PROC: variants seen among roughly 807,000 people sequenced by gnomAD.
PROC encodes vitamin K-dependent protein C.
In PROC, 22 loss-of-function variants were observed where a neutral mutation model predicts 36.3. The ratio of observed to expected loss-of-function variants is 0.61; its 90% CI spans 0.43 to 0.86. PROC has a LOEUF of 0.86. Ranked by LOEUF, PROC falls within the 40% of genes least tolerant of loss-of-function variation. The pLI is 0.00. For synonymous variants in PROC, 218 were observed against 244.5 expected, an observed-to-expected ratio of 0.89 and a Z score of 1.01; for missense variants, 526 against 629.7, an observed-to-expected ratio of 0.84 and a Z score of 1.76.
chr2:127,424,329 A>G (rs1369539561), intron 6 of PROC, among the ~76,000 whole-genome samples: 4 of 152,090 alleles, frequency 2.6e-5, no homozygotes, highest in Admixed American at 6.5e-5. Context: ...CCTCCCGAGT[A>G]GCTGGGATTA....
At chr2:127,421,880 GGGAGAAAATC>G (rs1558712399) in intron 3 of PROC, among the ~76,000 whole-genome samples, 1 of 152,196 alleles carries the variant, frequency 6.6e-6, no homozygotes, top group East Asian at 1.9e-4. Flanking sequence ...TCACATCAAA[GGGAGAAAATC>G]TGATTGTTCA....
intron 3 of PROC, 81 bp from the exon 4 acceptor site, chr2:127,422,836 C>A: frequency 6.6e-7 from 1 of 1,520,168 alleles, no homozygotes; most frequent in South Asian, 1.2e-5. Context: ...CCTGCCCGCT[C>A]ACCCGCTGCC....
At chr2:127,419,031 C>T (rs1208805527) in intron 1 of PROC, among the ~76,000 whole-genome samples, 2 of 152,144 alleles carry the variant, frequency 1.3e-5, no homozygotes, top group Non-Finnish European at 2.9e-5. Context: ...GCGAGTAATG[C>T]ATGGATGTAA....
rs1247088917 is a variant in PROC, at chr2:127,421,466, T to C, written c.237+17T>C. 1.2e-6 allele frequency: 2 copies of C among 1,613,440 alleles called. No individual in the cohort carries two copies. The highest frequency in any genetic ancestry group is 1.3e-5 in the African/African-American group (1 of 74,898). The stretch of plus-strand genomic sequence containing the variant: ...GATGACACAGTAAGGCCACCATGGG[T>C]CCAGAGGATGAGGCTCAGGGGCGAG... On this transcript the variant is annotated intron_variant, in intron 3 of 8. Coordinates refer to ENST00000234071, the MANE Select transcript of PROC (RefSeq NM_000312.4).
Position 127,423,352 on chromosome 2 carries a change from G to C in PROC, c.479G>C (p.Cys160Ser), listed in dbSNP as rs1450037999. 6.5e-7 allele frequency: 1 copy of C among 1,550,234 alleles called. No individual in the cohort carries two copies. The highest frequency in any genetic ancestry group is 8.7e-7 in the Non-Finnish European group (1 of 1,147,148). The change falls in exon 6 of 9, where the codon TGT becomes TCT. Residue 160 changes from cysteine to serine, a missense_variant. Coordinates refer to ENST00000234071, the MANE Select transcript of PROC (RefSeq NM_000312.4). The part of the protein sequence containing the change: ...YCLEEVGWRR[C>S]SCAPGYKLGD... Reference sequence around the variant, plus strand: ...CTAGAGGAGGTGGGCTGGCGGCGCTGTAGCTGTGCGCCTGGCTACAAGCTG... The same window carrying C: ...CTAGAGGAGGTGGGCTGGCGGCGCTCTAGCTGTGCGCCTGGCTACAAGCTG...
Position 127,421,307 on chromosome 2 carries a change from G to T in PROC, c.95G>T (p.Arg32Leu). 6.2e-7 allele frequency: 1 copy of T among 1,613,784 alleles called. No individual in the cohort carries two copies. Among genetic ancestry groups the T allele is most frequent in the Non-Finnish European group, 8.5e-7 (1 of 1,179,880 alleles). The change falls in exon 3 of 9, where the codon CGT (arginine) becomes CTT (leucine). Residue 32 changes from arginine to leucine, a missense_variant. Transcript: ENST00000234071. ...PLDSVFSSSE[R>L]AHQVLRIRKR... ...GACTCAGTGTTCTCCAGCAGCGAGC[G>T]TGCCCACCAGGTGCTGCGGATCCGC...
At position 127,426,337 on chromosome 2, in the gene PROC, C is replaced by A. The variant is rs1244334846; in HGVS notation, c.678+110C>A. The A allele has an allele frequency of 3.5e-6, 5 of 1,429,150 alleles. No homozygotes were observed. Among genetic ancestry groups the A allele is most frequent in the Non-Finnish European group, 4.8e-6 (5 of 1,040,966 alleles). 88.5% of individuals were successfully genotyped at this position (1,429,150 alleles called of 1,614,324 possible). ...AACCGAGAGGGAAGCGCTGCCATTG[C>A]GTTTGGGGGATGATGAAGGTGGGGG... On this transcript the variant is annotated intron_variant, in intron 7 of 8. Transcript: ENST00000234071. This position sits in a 1 kb window ranked among gnomAD's most constrained non-coding sequence, Gnocchi z 7.0.
At chr2:127,422,219 T>C (rs1416913909) in intron 3 of PROC, among the ~76,000 whole-genome samples, 1 of 152,116 alleles carries the variant, frequency 6.6e-6, no homozygotes. Flanking sequence ...CATCTGGACC[T>C]CCATCCCCAC....
In PROC at chr2:127,421,266, C is replaced by A. The variant is rs138057813; in HGVS notation, c.71-17C>A. The A allele has an allele frequency of 6.2e-7, 1 of 1,613,368 alleles. No homozygotes were observed. The highest frequency in any genetic ancestry group is 8.5e-7 in the Non-Finnish European group (1 of 1,179,824). ...GGCCCCTCCACCAAGGTGAGCTCCC[C>A]CTCCCTCCAAAACCAGACTCAGTGT... On this transcript the variant is annotated splice_polypyrimidine_tract_variant and intron_variant, in intron 2 of 8. Transcript: ENST00000234071.
intron 6 of PROC, among the ~76,000 whole-genome samples, chr2:127,424,931 G>A (rs1341660731): frequency 6.6e-6 from 1 of 152,170 alleles, no homozygotes; most frequent in African/African-American, 2.4e-5. Flanking sequence ...CTCAGAGCAG[G>A]GTGGGGCAGG....
Position 127,428,386 on chromosome 2 carries a change from T to G in PROC, c.826T>G (p.Trp276Gly), listed in dbSNP as rs1688664707. ...GEYDLRRWEK[W>G]ELDLDIKEVF... ...GTATGACCTGCGGCGCTGGGAGAAG[T>G]GGGAGCTGGACCTGGACATCAAGGA... is the stretch of plus-strand genomic sequence containing the variant. Residue 276 changes from tryptophan (W) to glycine (G), a missense_variant, in exon 9 of 9, where the codon TGG becomes GGG. Physicochemically the swap from Trp to Gly is radical, Grantham distance 184. Transcript: ENST00000234071. 3 of 1,614,036 alleles carry G rather than the reference T, an allele frequency of 1.9e-6. No individual in the cohort carries two copies. Among genetic ancestry groups the G allele is most frequent in the Non-Finnish European group, 2.5e-6 (3 of 1,180,010 alleles).
In PROC at chr2:127,428,918, A is replaced by G; in HGVS notation, c.1358A>G (p.Glu453Gly). 2 of 1,613,956 alleles carry G rather than the reference A, an allele frequency of 1.2e-6. No individual in the cohort carries two copies. Among genetic ancestry groups the G allele is most frequent in the Non-Finnish European group, 1.7e-6 (2 of 1,180,026 alleles). The change falls in exon 9 of 9, where the codon GAA becomes GGA. Residue 453 changes from glutamate (E) to glycine (G), a missense_variant. Transcript: ENST00000234071. ...ATCCATGGGCACATCAGAGACAAGG[A>G]AGCCCCCCAGAAGAGCTGGGCACCT... ...DWIHGHIRDK[E>G]APQKSWAP
chr2:127,426,347 AT>A lies in PROC; in HGVS notation c.678+121del. 1 of 1,340,226 alleles carries A rather than the reference AT, an allele frequency of 7.5e-7. No homozygotes were observed. The allele number at this position is 1,340,226 out of a possible 1,614,324, so 83.0% of individuals were successfully genotyped here. On this transcript the variant is annotated intron_variant, in intron 7 of 8. Transcript: ENST00000234071. This position sits in a 1 kb window ranked among gnomAD's most constrained non-coding sequence, Gnocchi z 7.0. Reference sequence around the variant, plus strand: ...GAAGCGCTGCCATTGCGTTTGGGGGATGATGAAGGTGGGGGATGCTTCAGGG... The same window carrying A: ...GAAGCGCTGCCATTGCGTTTGGGGGAGATGAAGGTGGGGGATGCTTCAGGG...
At chr2:127,428,039 G>C (rs774891273) in intron 8 of PROC, among the ~76,000 whole-genome samples, 2 of 152,156 alleles carry the variant, frequency 1.3e-5, no homozygotes, top group African/African-American at 4.8e-5. Context: ...CAGGGGTCTC[G>C]GGCTTCCCTG....
intron 8 of PROC, 79 bp downstream of exon 8, chr2:127,427,301 A>G: frequency 2.3e-6 from 3 of 1,285,684 alleles, no homozygotes; most frequent in Non-Finnish European, 3.4e-6. Flanking sequence ...GGTTTGGGGG[A>G]CCCCGCTCCC....
chr2:127,419,364 T>G (rs998984222), intron 1 of PROC, among the ~76,000 whole-genome samples: 4 of 152,160 alleles, frequency 2.6e-5, no homozygotes, highest in African/African-American at 9.7e-5. Flanking sequence ...TTTTGAGAGC[T>G]TTATGTGGAC....
intron 2 of PROC, among the ~76,000 whole-genome samples, chr2:127,420,255 C>T (rs1019899511): frequency 3.3e-5 from 5 of 152,206 alleles, no homozygotes; most frequent in African/African-American, 1.2e-4. Flanking sequence ...CTAAAGCTCC[C>T]TCCTCCACAC....
rs1246745926 is a variant in PROC at position 127,419,756 on chromosome 2, C to T, written c.-21-166C>T. The T allele has an allele frequency of 8.6e-5, 127 of 1,469,308 alleles. 1 individual carries two copies. Among genetic ancestry groups the T allele is most frequent in the Non-Finnish European group, 1.0e-4 (114 of 1,101,770 alleles). The allele number at this position is 1,469,308 out of a possible 1,614,324, so 91.0% of individuals were successfully genotyped here. A position where few individuals can be genotyped will look rare whatever the true frequency, so the allele number is the denominator to read the frequency against. On this transcript the variant is annotated intron_variant, in intron 1 of 8. Transcript: ENST00000234071. ...CTCAGCCCCACGTAGAGCGGGCAGC[C>T]GAGGCCTTCTGAGGCTATGTCTCTA...
intron 6 of PROC, among the ~76,000 whole-genome samples, chr2:127,423,943 T>A (rs1454127964): frequency 6.6e-6 from 1 of 152,226 alleles, no homozygotes; most frequent in Non-Finnish European, 1.5e-5. Context: ...TTTACAACTT[T>A]TACATTTCAG....
Sources: gnomAD v4.1 joint callset for allele counts (sites outside exome capture counted in the v4.1 genomes callset) on GRCh38, gnomAD v4.1.1 for gene constraint, Gnocchi (gnomAD v3.1) non-coding constraint, MANE v1.5 for transcripts, NCBI Gene and HGNC (gene_info 2026-07-23, HGNC 2026-07-21) for gene names.